The following TPTE2 variants were observed in gnomAD, a reference collection of about 807,000 sequenced individuals.
The protein encoded by TPTE2 is transmembrane phosphoinositide 3-phosphatase and tensin homolog 2.
In TPTE2, 53 loss-of-function variants were observed where a neutral mutation model predicts 78.6. The observed-to-expected ratio is 0.67, with a 90% CI of 0.54 to 0.85. The LOEUF (loss-of-function observed/expected upper bound fraction) is 0.85, where lower values mean the gene tolerates loss of function less well. Among genes scored for constraint, TPTE2 ranks in the 40% least tolerant of loss-of-function variants. The probability of loss-of-function intolerance (pLI) is 0.00; values close to 1 mark genes in which losing one functional copy is unlikely to be tolerated. For missense variants in TPTE2, 461 were observed against 623.0 expected, an observed-to-expected ratio of 0.74 and a Z score of 2.77; for synonymous variants, 175 against 206.2, an observed-to-expected ratio of 0.85 and a Z score of 1.30.
chr13:19,497,558 AGG>A (rs1881446818), intron 1 of TPTE2, among the ~76,000 whole-genome samples: 3 of 66,708 alleles, frequency 4.5e-5, no homozygotes, highest in African/African-American at 9.9e-5. Context: ...CTCACATGGC[AGG>A]GTATTCCAAC....
intron 10 of TPTE2, among the ~76,000 whole-genome samples, chr13:19,454,413 C>A (rs1239110653): frequency 6.6e-6 from 1 of 152,160 alleles, no homozygotes; most frequent in African/African-American, 2.4e-5. Context: ...CAGTGCAGGA[C>A]ATGCTGTTAT....
At chr13:19,539,796 G>C (rs1319644272), upstream of TPTE2, among the ~76,000 whole-genome samples, 1 of 151,996 alleles carries the variant, frequency 6.6e-6, no homozygotes, top group African/African-American at 2.4e-5. Context: ...GGCTCTTCTT[G>C]GTTCTTTGTT....
At chr13:19,506,352 T>C (rs2137682721), upstream of TPTE2, among the ~76,000 whole-genome samples, 1 of 150,572 alleles carries the variant, frequency 6.6e-6, no homozygotes, top group African/African-American at 2.4e-5. Context: ...TTTTTGTATT[T>C]TTAGTAGAGA....
upstream of TPTE2, among the ~76,000 whole-genome samples, chr13:19,537,928 A>G (rs568231638): frequency 2.0e-5 from 3 of 152,082 alleles, no homozygotes; most frequent in African/African-American, 2.4e-5. Flanking sequence ...TTAATGCACT[A>G]TTTTTCCTCT....
At chr13:19,545,044 A>T in the TPTE2 span, among the ~76,000 whole-genome samples, 1 of 152,072 alleles carries the variant, frequency 6.6e-6, no homozygotes, top group Non-Finnish European at 1.5e-5. Context: ...CTCCCTTGTA[A>T]CACCTACCAA....
chr13:19,536,783 C>T (rs905709502), upstream of TPTE2: 1 of 151,948 alleles, frequency 6.6e-6, no homozygotes, highest in African/African-American at 2.4e-5. Context: ...GCTTCCCAGT[C>T]CTTATCTGCA....
At chr13:19,456,950 A>G (rs1404052406) in intron 10 of TPTE2, among the ~76,000 whole-genome samples, 3 of 152,246 alleles carry the variant, frequency 2.0e-5, no homozygotes, top group Non-Finnish European at 4.4e-5. Flanking sequence ...CATAATAATT[A>G]AAACTATGGT....
At position 19,535,611 on chromosome 13, in the gene TPTE2, CTTATTTATTTATTTATTTAT is replaced by C. The variant is rs112733083; in HGVS notation, c.-44+965_-44+984del. 4.0e-3 allele frequency among the ~76,000 whole-genome samples: 584 copies of C among 146,532 alleles called. 3 individuals carry two copies. The highest frequency in any genetic ancestry group is 0.014 in the African/African-American group (553 of 39,760). On this transcript the variant is annotated intron_variant, in intron 1 of 17. Coordinates refer to the TPTE2 transcript ENST00000390680. The surrounding 1 kb of genome is among the most constrained non-coding windows in gnomAD (Gnocchi z 5.1). ...TAAGTAATACTATCTCCAGGATTTTCTTATTTATTTATTTATTTATTTATTTATTTATTTATTTTGAGACG... is the reference window on the plus strand; with the variant it reads ...TAAGTAATACTATCTCCAGGATTTTCTTATTTATTTATTTATTTTGAGACG...
intron 4 of TPTE2, among the ~76,000 whole-genome samples, chr13:19,478,551 C>T (rs1363813715): frequency 3.3e-5 from 5 of 152,220 alleles, no homozygotes; most frequent in Non-Finnish European, 7.3e-5. Context: ...AACACTTTTA[C>T]ACTGTTGGTG....
At chr13:19,430,301 A>G (rs1342247179) in intron 17 of TPTE2, among the ~76,000 whole-genome samples, 167 bp downstream of exon 20, 2 of 152,248 alleles carry the variant, frequency 1.3e-5, no homozygotes, top group Non-Finnish European at 2.9e-5. Context: ...AGGTTAATTT[A>G]TCTCTGGTTT....
chr13:19,528,661 C>G (rs1870673810), intron 1 of TPTE2, among the ~76,000 whole-genome samples: 1 of 152,164 alleles, frequency 6.6e-6, no homozygotes, highest in African/African-American at 2.4e-5. Flanking sequence ...TCCTCCAGTT[C>G]TCGCTAGCTC....
At chr13:19,509,419 A>C (rs1160083061) in intron 1 of TPTE2, among the ~76,000 whole-genome samples, 1 of 152,188 alleles carries the variant, frequency 6.6e-6, no homozygotes, top group Admixed American at 6.5e-5. Flanking sequence ...TCCAAATACA[A>C]TGTACAAGAA....
chr13:19,443,414 T>TTTTC (rs1877617236), intron 13 of TPTE2, among the ~76,000 whole-genome samples: 1 of 137,558 alleles, frequency 7.3e-6, no homozygotes, highest in Admixed American at 7.5e-5. Context: ...TTTTTTTTGT[T>TTTTC]TCATTTTTTC....
chr13:19,467,076 T>A lies in TPTE2; in HGVS notation c.512+149A>T, dbSNP rs1024765986. ...CACAATCTTTTAGTTTCAAAGTATG[T>A]GGGCATTTACCCAAACATTTCATTT... On this transcript the variant is annotated intron_variant, in intron 7 of 19. Transcript: ENST00000400230. 9.2e-6 allele frequency: 9 copies of A among 979,988 alleles called. No homozygotes were observed. The African/African-American group carries it at 1.5e-4, about 17-fold the overall frequency. The allele number at this position is 979,988 out of a possible 1,614,324, so 60.7% of individuals were successfully genotyped here.
chr13:19,535,181 T>TG lies in TPTE2; in HGVS notation c.-44+1414dup, dbSNP rs1434359671. Reference sequence around the variant, plus strand: ...ATCACAAACTGCACTCTAGCCTGGGTGACAGAGTGAGATTCCTTCTCAAAA... The same window carrying TG: ...ATCACAAACTGCACTCTAGCCTGGGTGGACAGAGTGAGATTCCTTCTCAAAA... On this transcript the variant is annotated intron_variant, in intron 1 of 17. Coordinates refer to the TPTE2 transcript ENST00000390680. This position sits in a 1 kb window ranked among gnomAD's most constrained non-coding sequence, Gnocchi z 5.1. Among the ~76,000 whole-genome samples, 1 of 150,578 alleles carries TG rather than the reference T, an allele frequency of 6.6e-6. No individual in the cohort carries two copies. Among genetic ancestry groups the TG allele is most frequent in the Non-Finnish European group, 1.5e-5 (1 of 67,900 alleles).
At chr13:19,555,625 C>A in the TPTE2 span, among the ~76,000 whole-genome samples, 1 of 152,018 alleles carries the variant, frequency 6.6e-6, no homozygotes, top group Non-Finnish European at 1.5e-5. Context: ...AGAGTATAAT[C>A]ATTTGATACT....
At chr13:19,471,229 T>G (rs1879596489) in intron 6 of TPTE2, among the ~76,000 whole-genome samples, 1 of 152,154 alleles carries the variant, frequency 6.6e-6, no homozygotes, top group Non-Finnish European at 1.5e-5. Context: ...TTTCATCCAT[T>G]CATCCACTCT....
the TPTE2 span, among the ~76,000 whole-genome samples, chr13:19,542,197 C>T: frequency 6.6e-6 from 1 of 152,090 alleles, no homozygotes; most frequent in African/African-American, 2.4e-5. Flanking sequence ...CTCTGTCACT[C>T]AGGATGGAGT....
chr13:19,560,588 CA>C, the TPTE2 span: 4 of 1,601,370 alleles, frequency 2.5e-6, no homozygotes, highest in East Asian at 4.5e-5. Flanking sequence ...ATCTCTCGGT[CA>C]AAGAGGTCAC....
Sources: allele counts gnomAD v4.1 joint callset (sites outside exome capture counted in the v4.1 genomes callset), GRCh38; gene constraint gnomAD v4.1.1; non-coding constraint Gnocchi (gnomAD v3.1); transcripts MANE v1.5; gene names NCBI Gene and HGNC (gene_info 2026-07-23, HGNC 2026-07-21).